Variants in EVC2 observed in about 807,000 individuals in gnomAD.
The protein encoded by EVC2 is limbin.
A neutral mutation model predicts 149.3 loss-of-function variants in EVC2; 148 were observed. That is an observed-to-expected ratio of 0.99 (90% CI 0.87 to 1.14). EVC2 has a LOEUF of 1.14. Among genes scored for constraint, EVC2 ranks in the 50% most tolerant of loss-of-function variants. The pLI, the probability that EVC2 is intolerant of heterozygous loss-of-function variation, is 0.00. For synonymous variants in EVC2, 776 were observed against 649.9 expected, an observed-to-expected ratio of 1.19 and a Z score of -2.95; for missense variants, 1,854 against 1,627.3, an observed-to-expected ratio of 1.14 and a Z score of -2.40.
chr4:5,608,466 G>A (rs1302774040), intron 16 of EVC2, among the ~76,000 whole-genome samples: 1 of 152,184 alleles, frequency 6.6e-6, no homozygotes, highest in Admixed American at 6.5e-5. Flanking sequence ...TGCCCAGGTG[G>A]CTGGTAAAAC....
At chr4:5,610,798 T>TTC (rs1444651681) in intron 16 of EVC2, among the ~76,000 whole-genome samples, 2 of 137,892 alleles carry the variant, frequency 1.5e-5, no homozygotes, top group East Asian at 3.9e-4. Context: ...CCTTTTCTTT[T>TTC]TTTTTTTTTT....
rs750877993 is a variant in EVC2, at chr4:5,562,881, G to A, written c.3894C>T (p.Ala1298=). The A allele has an allele frequency of 1.2e-6, 2 of 1,614,118 alleles. No individual in the cohort carries two copies. Among genetic ancestry groups the A allele is most frequent in the South Asian group, 1.1e-5 (1 of 91,078 alleles). ...PPRKKKNFLN[A]KKAMRALGMD ...TGCCCAAGGCCCTCATGGCCTTTTT[G>A]GCATTCAAAAAGTTCTTCTTTTTCC... Residue 1298 remains alanine, a synonymous_variant, in exon 22 of 22, where the codon GCC becomes GCT. Coordinates refer to ENST00000344408, the MANE Select transcript of EVC2 (RefSeq NM_147127.5). The surrounding 1 kb of genome is among the most constrained non-coding windows in gnomAD (Gnocchi z 4.3).
chr4:5,708,280 C>T lies in EVC2; in HGVS notation c.228+6G>A. On this transcript the variant is annotated splice_donor_region_variant and intron_variant, in intron 1 of 21. Transcript: ENST00000344408. The stretch of plus-strand genomic sequence containing the variant: ...AGACCGGAGCCTGGGGTCGGGCCCT[C>T]CTTACCTGCGTGCTGCTCTCGGGCC... The T allele has an allele frequency of 1.4e-6, 2 of 1,480,206 alleles. No individual in the cohort carries two copies. The highest frequency in any genetic ancestry group is 2.9e-5 in the African/African-American group (2 of 68,540). The allele number at this position is 1,480,206 out of a possible 1,614,324, so 91.7% of individuals were successfully genotyped here. A position where few individuals can be genotyped will look rare whatever the true frequency, so the allele number is the denominator to read the frequency against.
Position 5,562,510 on chromosome 4 carries a change from A to G in EVC2, c.*338T>C. The G allele has an allele frequency of 2.6e-6, 3 of 1,163,742 alleles. No homozygotes were observed. The highest frequency in any genetic ancestry group is 3.2e-6 in the Non-Finnish European group (3 of 940,384). 72.1% of individuals were successfully genotyped at this position (1,163,742 alleles called of 1,614,324 possible). A position where few individuals can be genotyped will look rare whatever the true frequency, so the allele number is the denominator to read the frequency against. Reference sequence around the variant, plus strand: ...GAATATGTAACAAATACAAAACATAAGAGTAGAGAATCTGGCTGTCACCAC... The same window carrying G: ...GAATATGTAACAAATACAAAACATAGGAGTAGAGAATCTGGCTGTCACCAC... On this transcript the variant is annotated 3_prime_UTR_variant, in exon 22 of 22. Transcript: ENST00000344408. This position sits in a 1 kb window ranked among gnomAD's most constrained non-coding sequence, Gnocchi z 4.3.
chr4:5,678,070 C>G (rs937313636), intron 7 of EVC2, among the ~76,000 whole-genome samples: 3 of 152,220 alleles, frequency 2.0e-5, no homozygotes, highest in African/African-American at 7.2e-5. Flanking sequence ...CTGGCATCCT[C>G]TGAAAGCCCT....
At chr4:5,555,581 G>C (rs13132596) in intron 21 of EVC2, among the ~76,000 whole-genome samples, 70,229 of 152,024 alleles carry the variant, frequency 0.46, 20,243 homozygotes, top group Non-Finnish European at 0.65. Context: ...ATATGGTAAA[G>C]GGATCAATTC....
At chr4:5,540,631 G>C (rs1008688504), downstream of EVC2, among the ~76,000 whole-genome samples, 15 of 152,188 alleles carry the variant, frequency 9.9e-5, no homozygotes, top group Non-Finnish European at 1.9e-4. Context: ...GATAGAGCAG[G>C]TAAGCTGTTA....
downstream of EVC2, among the ~76,000 whole-genome samples, chr4:5,538,320 T>C (rs1453173981): frequency 1.3e-5 from 2 of 152,194 alleles, no homozygotes; most frequent in Non-Finnish European, 2.9e-5. Context: ...GAAATTTAAC[T>C]TTTAGTTTAA....
At chr4:5,561,761 A>G (rs992174663), downstream of EVC2, among the ~76,000 whole-genome samples, 2 of 152,196 alleles carry the variant, frequency 1.3e-5, no homozygotes, top group African/African-American at 4.8e-5. Context: ...TAAAATGGGA[A>G]TAGGGATACT....
In EVC2 at chr4:5,617,862, G is replaced by C. The variant is rs111341801; in HGVS notation, c.2706+616C>G. Among the ~76,000 whole-genome samples, 704 of 152,302 alleles carry C rather than the reference G, an allele frequency of 4.6e-3. 7 individuals carry two copies. The highest frequency in any genetic ancestry group is 0.016 in the African/African-American group (672 of 41,562). On this transcript the variant is annotated intron_variant, in intron 15 of 21. Transcript: ENST00000344408. ...AGGATCAACCTGTTGGGGAACAAGG[G>C]AACAGGACAGGAAAGGGAAGAGCCA...
At chr4:5,543,231 C>T (rs1279674934) in intron 21 of EVC2, 9 of 1,288,868 alleles carry the variant, frequency 7.0e-6, no homozygotes, top group South Asian at 2.5e-5. Flanking sequence ...GGATACAATC[C>T]TGGTCTAACC....
chr4:5,551,976 C>A (rs1003726877), intron 21 of EVC2, among the ~76,000 whole-genome samples: 17 of 152,172 alleles, frequency 1.1e-4, no homozygotes, highest in African/African-American at 2.9e-4. Flanking sequence ...AACTGTAAGT[C>A]CATAAAACCT....
chr4:5,568,018 C>T (rs1309227905), intron 20 of EVC2, among the ~76,000 whole-genome samples: 1 of 152,202 alleles, frequency 6.6e-6, no homozygotes, highest in African/African-American at 2.4e-5. Context: ...GCTCACTCCA[C>T]ACTCGACACA....
At chr4:5,672,646 T>C (rs1719723709) in intron 7 of EVC2, among the ~76,000 whole-genome samples, 1 of 152,120 alleles carries the variant, frequency 6.6e-6, no homozygotes, top group Non-Finnish European at 1.5e-5. Context: ...AGAATTACCA[T>C]ACAACCGAGC....
intron 18 of EVC2, among the ~76,000 whole-genome samples, 175 bp from the exon 19 acceptor site, chr4:5,574,947 T>G (rs1026172584): frequency 1.3e-5 from 2 of 152,218 alleles, no homozygotes; most frequent in Admixed American, 1.3e-4. Flanking sequence ...TAGGCTACTT[T>G]GCACATAACA....
intron 16 of EVC2, among the ~76,000 whole-genome samples, chr4:5,590,070 T>C (rs1278676880): frequency 6.6e-6 from 1 of 152,076 alleles, no homozygotes; most frequent in Non-Finnish European, 1.5e-5. Context: ...AGGAACAGCA[T>C]GACCAGAGGC....
intron 18 of EVC2, 66 bp from the exon 19 acceptor site, chr4:5,574,838 G>T: frequency 6.8e-7 from 1 of 1,471,448 alleles, no homozygotes; most frequent in African/African-American, 1.4e-5. Context: ...AGATCATCTA[G>T]TTATTTAAAT....
chr4:5,553,963 A>G (rs1721786177), intron 21 of EVC2, among the ~76,000 whole-genome samples: 1 of 152,230 alleles, frequency 6.6e-6, no homozygotes, highest in Non-Finnish European at 1.5e-5. Flanking sequence ...GAAATGACAG[A>G]AATGAAAGAA....
At chr4:5,689,025 T>C in intron 5 of EVC2, 132 bp downstream of exon 5, 1 of 970,162 alleles carries the variant, frequency 1.0e-6, no homozygotes, top group East Asian at 2.5e-5. Flanking sequence ...GATAGTAAGA[T>C]CCACTGTGAG....
Sources: allele counts gnomAD v4.1 joint callset (sites outside exome capture counted in the v4.1 genomes callset), GRCh38; gene constraint gnomAD v4.1.1; non-coding constraint Gnocchi (gnomAD v3.1); transcripts MANE v1.5; gene names NCBI Gene and HGNC (gene_info 2026-07-23, HGNC 2026-07-21).